The following FHIT variants were observed in gnomAD, a reference collection of about 807,000 sequenced individuals.
The protein encoded by FHIT is bis(5'-adenosyl)-triphosphatase.
Under a neutral mutation model 17.9 loss-of-function variants are expected in FHIT, and 19 were observed. The observed-to-expected ratio is 1.06, with a 90% confidence interval of 0.74 to 1.56. FHIT has a LOEUF of 1.56. FHIT is among the 40% of genes most tolerant of loss of function. The pLI is 0.00. For missense variants in FHIT, 248 were observed against 189.2 expected (o/e 1.31, Z -1.82); for synonymous variants, 81 against 69.7 (o/e 1.16, Z -0.81).
chr3:61,041,929 C>A (rs2033537165), intron 3 of FHIT, 118 bp downstream of exon 3: 1 of 152,178 alleles, frequency 6.6e-6, no homozygotes, highest in South Asian at 2.1e-4. Flanking sequence ...ACCAAAAATT[C>A]ATATATCTCT....
intron 2 of FHIT, among the ~76,000 whole-genome samples, chr3:61,055,984 C>T (rs1443808336): frequency 2.6e-5 from 4 of 152,194 alleles, no homozygotes; most frequent in African/African-American, 7.2e-5. Flanking sequence ...AATAATTAAA[C>T]TCTTTTAGTT....
chr3:60,025,007 G>A (rs1361806985), intron 5 of FHIT, among the ~76,000 whole-genome samples: 1 of 152,160 alleles, frequency 6.6e-6, no homozygotes, highest in East Asian at 1.9e-4. Context: ...AATTTGAGAT[G>A]TATGTTTGAG....
intron 5 of FHIT, among the ~76,000 whole-genome samples, chr3:60,112,600 A>G (rs1433542303): frequency 6.6e-6 from 1 of 152,202 alleles, no homozygotes; most frequent in African/African-American, 2.4e-5. Context: ...CCTTCCACAC[A>G]TCACATATAC....
intron 5 of FHIT, among the ~76,000 whole-genome samples, chr3:60,389,861 C>G (rs560276707): frequency 1.4e-3 from 220 of 152,170 alleles, no homozygotes; most frequent in African/African-American, 5.1e-3. Flanking sequence ...ATATATAAAC[C>G]ACTGTCCACC....
chr3:60,237,113 A>G (rs1300559596), intron 5 of FHIT, among the ~76,000 whole-genome samples: 1 of 152,148 alleles, frequency 6.6e-6, no homozygotes, highest in Admixed American at 6.6e-5. Flanking sequence ...CAAATCCTAG[A>G]TCATATTTCT....
At chr3:60,108,094 A>G (rs1307734581) in intron 5 of FHIT, among the ~76,000 whole-genome samples, 1 of 152,192 alleles carries the variant, frequency 6.6e-6, no homozygotes, top group Non-Finnish European at 1.5e-5. Context: ...ACTTAATCCA[A>G]TACAGTTTTA....
chr3:60,728,568 G>C (rs2041962759), intron 4 of FHIT, among the ~76,000 whole-genome samples: 1 of 151,518 alleles, frequency 6.6e-6, no homozygotes, highest in African/African-American at 2.4e-5. Flanking sequence ...GTTTGTTTTT[G>C]TTTTATTTTG....
At chr3:60,628,825 T>G (rs1294372077) in intron 4 of FHIT, among the ~76,000 whole-genome samples, 1 of 152,224 alleles carries the variant, frequency 6.6e-6, no homozygotes, top group African/African-American at 2.4e-5. Flanking sequence ...TCTTATGGAC[T>G]GCTTCTACCC....
At chr3:60,378,753 A>G (rs1436132567) in intron 5 of FHIT, among the ~76,000 whole-genome samples, 1 of 152,242 alleles carries the variant, frequency 6.6e-6, no homozygotes, top group African/African-American at 2.4e-5. Context: ...CTTGTTAGCA[A>G]TGCCTGACCT....
chr3:60,621,869 T>C (rs1160773492), intron 4 of FHIT, among the ~76,000 whole-genome samples: 2 of 93,558 alleles, frequency 2.1e-5, no homozygotes, highest in African/African-American at 3.8e-5. Flanking sequence ...TGAGACACTC[T>C]CCAAAAAAAA....
chr3:59,857,364 T>A (rs576903226), intron 8 of FHIT, among the ~76,000 whole-genome samples: 8 of 150,040 alleles, frequency 5.3e-5, no homozygotes, highest in South Asian at 2.1e-4. Context: ...GTCAGAATAT[T>A]TTTTTTTTTA....
At chr3:59,953,419 G>A (rs1271917312) in intron 7 of FHIT, among the ~76,000 whole-genome samples, 1 of 151,976 alleles carries the variant, frequency 6.6e-6, no homozygotes, top group Non-Finnish European at 1.5e-5. Flanking sequence ...AAAACACTTA[G>A]AGTTGACCCA....
rs2034001710 is a variant in FHIT, at chr3:61,050,938, T to C, written c.-163-8839A>G. Among the ~76,000 whole-genome samples the C allele has an allele frequency of 2.6e-5, 4 of 152,330 alleles. No homozygotes were observed. The South Asian group carries it at 8.3e-4, about 32-fold the overall frequency. ...ATTTCTTCTAAGAATGCTCCAATAC[T>C]ATTCCTTGGATTTTCTTCCGAGCCA... On this transcript the variant is annotated intron_variant, in intron 2 of 9. Transcript: ENST00000492590.
At chr3:60,514,201 C>T (rs1279073858) in intron 5 of FHIT, among the ~76,000 whole-genome samples, 2 of 152,242 alleles carry the variant, frequency 1.3e-5, no homozygotes, top group African/African-American at 4.8e-5. Context: ...CCCAAAAAGG[C>T]TGTCACACTG....
intron 4 of FHIT, among the ~76,000 whole-genome samples, chr3:60,570,753 A>AC (rs1559548577): frequency 6.6e-6 from 1 of 151,208 alleles, no homozygotes; most frequent in Non-Finnish European, 1.5e-5. Flanking sequence ...AAAAAAAAAA[A>AC]AACTATCTCA....
chr3:60,126,352 C>T (rs570824092), intron 5 of FHIT, among the ~76,000 whole-genome samples: 9 of 152,236 alleles, frequency 5.9e-5, no homozygotes, highest in East Asian at 1.9e-4. Flanking sequence ...TTCTCTGGAG[C>T]GCAGCCTCAG....
At chr3:60,412,685 G>A (rs1007840760) in intron 5 of FHIT, among the ~76,000 whole-genome samples, 1 of 152,158 alleles carries the variant, frequency 6.6e-6, no homozygotes, top group Non-Finnish European at 1.5e-5. Flanking sequence ...GGAAGGGACT[G>A]AGCAGAGTCT....
At chr3:61,213,431 G>A (rs571289452) in intron 1 of FHIT, among the ~76,000 whole-genome samples, 1 of 152,280 alleles carries the variant, frequency 6.6e-6, no homozygotes, top group South Asian at 2.1e-4. Flanking sequence ...AATGGTAAAG[G>A]GATCAATTCA....
chr3:60,130,872 C>A (rs1290140710), intron 5 of FHIT, among the ~76,000 whole-genome samples: 1 of 133,064 alleles, frequency 7.5e-6, no homozygotes, highest in Non-Finnish European at 1.6e-5. Flanking sequence ...TATATAGACA[C>A]GTATACATGT....
Sources: allele counts gnomAD v4.1 joint callset (sites outside exome capture counted in the v4.1 genomes callset), GRCh38; gene constraint gnomAD v4.1.1; transcripts MANE v1.5; gene names NCBI Gene and HGNC (gene_info 2026-07-23, HGNC 2026-07-21).